DLG2: variants seen among roughly 807,000 people sequenced by gnomAD.
DLG2 encodes disks large homolog 2.
Under a neutral mutation model 132.5 loss-of-function variants are expected in DLG2, and 45 were observed. The observed-to-expected ratio is 0.34, with a 90% confidence interval of 0.27 to 0.44. The LOEUF (loss-of-function observed/expected upper bound fraction) is 0.44, where lower values mean the gene tolerates loss of function less well. Among genes scored for constraint, DLG2 ranks in the 20% least tolerant of loss-of-function variants. DLG2 has a pLI of 1.00. For missense variants in DLG2, 1,045 were observed against 1,196.9 expected, an observed-to-expected ratio of 0.87 and a Z score of 1.87; for synonymous variants, 424 against 419.6, an observed-to-expected ratio of 1.01 and a Z score of -0.13.
chr11:85,485,699 T>C (rs896290803), intron 3 of DLG2, among the ~76,000 whole-genome samples: 1 of 152,172 alleles, frequency 6.6e-6, no homozygotes, highest in East Asian at 1.9e-4. Flanking sequence ...TTTTGCATTC[T>C]TGGCTATGAG....
intron 3 of DLG2, among the ~76,000 whole-genome samples, chr11:85,489,186 C>T (rs1259485757): frequency 1.3e-5 from 2 of 151,778 alleles, no homozygotes; most frequent in African/African-American, 4.8e-5. Flanking sequence ...CCCAATCTTA[C>T]CTAGAAAGAA....
At chr11:83,530,477 C>G (rs1039659763) in intron 21 of DLG2, among the ~76,000 whole-genome samples, 2 of 151,504 alleles carry the variant, frequency 1.3e-5, no homozygotes, top group African/African-American at 4.9e-5. Context: ...ATGATATTCA[C>G]AAGCTACAAT....
At chr11:83,858,731 A>C (rs150606175) in intron 16 of DLG2, among the ~76,000 whole-genome samples, 1 of 152,316 alleles carries the variant, frequency 6.6e-6, no homozygotes, top group East Asian at 1.9e-4. Flanking sequence ...TTTCTTCTGC[A>C]AAAACCCCAT....
intron 6 of DLG2, among the ~76,000 whole-genome samples, chr11:84,869,152 C>A (rs983179552): frequency 6.6e-6 from 1 of 152,198 alleles, no homozygotes; most frequent in African/African-American, 2.4e-5. Flanking sequence ...AATCTGTCCA[C>A]AATGCACATC....
intron 7 of DLG2, among the ~76,000 whole-genome samples, chr11:84,526,607 A>G (rs2099321264): frequency 6.6e-6 from 1 of 152,148 alleles, no homozygotes; most frequent in African/African-American, 2.4e-5. Flanking sequence ...CATAACTTTT[A>G]TTAAAGTATA....
intron 6 of DLG2, among the ~76,000 whole-genome samples, chr11:84,704,022 T>C (rs1450500140): frequency 6.6e-6 from 1 of 150,790 alleles, no homozygotes; most frequent in Non-Finnish European, 1.5e-5. Context: ...CAGTACTTCT[T>C]AGCATATATC....
intron 6 of DLG2, among the ~76,000 whole-genome samples, chr11:85,048,179 T>A (rs1206808546): frequency 6.6e-6 from 1 of 152,014 alleles, no homozygotes; most frequent in African/African-American, 2.4e-5. Flanking sequence ...ACTGTCAAAC[T>A]GTCAGACTAA....
At chr11:83,480,152 G>C (rs1034355444) in intron 22 of DLG2, among the ~76,000 whole-genome samples, 2 of 152,132 alleles carry the variant, frequency 1.3e-5, no homozygotes, top group Non-Finnish European at 1.5e-5. Context: ...TTGTTTATTA[G>C]CAAGACCACT....
intron 6 of DLG2, among the ~76,000 whole-genome samples, chr11:84,670,111 T>G (rs1463895875): frequency 6.6e-6 from 1 of 152,134 alleles, no homozygotes; most frequent in Admixed American, 6.6e-5. Context: ...AAATGAAGAC[T>G]TCCTCTTGAA....
In DLG2 at chr11:84,582,007, A is replaced by G. The variant is rs191808387; in HGVS notation, c.358-47276T>C. Among the ~76,000 whole-genome samples, 513 of 152,134 alleles carry G rather than the reference A, an allele frequency of 3.4e-3. 4 individuals are homozygous for G. The highest frequency in any genetic ancestry group is 0.01 in the African/African-American group (435 of 41,540). On this transcript the variant is annotated intron_variant, in intron 6 of 27. Transcript: ENST00000376104. ...AGTGTTCATATTCACAAATAAAGAA[A>G]TTAGAGCTCTCAGTTAAAGTAACTG...
chr11:83,785,350 G>A (rs796128823), intron 18 of DLG2, among the ~76,000 whole-genome samples: 33 of 152,194 alleles, frequency 2.2e-4, no homozygotes, highest in African/African-American at 6.7e-4. Context: ...CACCGCACAC[G>A]GCCTATGATG....
intron 7 of DLG2, among the ~76,000 whole-genome samples, chr11:84,492,107 G>A (rs2099166758): frequency 6.6e-6 from 1 of 152,040 alleles, no homozygotes. Context: ...TTATACATGA[G>A]AGATATAAAT....
intron 10 of DLG2, among the ~76,000 whole-genome samples, chr11:84,062,757 G>C (rs527464935): frequency 6.6e-6 from 1 of 151,228 alleles, no homozygotes; most frequent in Non-Finnish European, 1.5e-5. Context: ...TAATGGTGGT[G>C]TTTGTAGGGG....
intron 18 of DLG2, among the ~76,000 whole-genome samples, chr11:83,666,061 A>G (rs984349698): frequency 6.6e-6 from 1 of 152,132 alleles, no homozygotes; most frequent in African/African-American, 2.4e-5. Context: ...ATTATTTTCA[A>G]GATTAGCCCC....
chr11:85,533,689 G>A (rs2075373055), intron 3 of DLG2, among the ~76,000 whole-genome samples: 1 of 151,978 alleles, frequency 6.6e-6, no homozygotes, highest in African/African-American at 2.4e-5. Context: ...AGCATCCAGT[G>A]GCAGGCACTT....
At position 84,465,972 on chromosome 11, in the gene DLG2, T is replaced by C. The variant is rs969793314; in HGVS notation, c.519+68598A>G. ...TATTATTATCTATAATTAAAATAATTTGATGTTGCCATACTACTCAGATTG... is the reference window on the plus strand; with the variant it reads ...TATTATTATCTATAATTAAAATAATCTGATGTTGCCATACTACTCAGATTG... On this transcript the variant is annotated intron_variant, in intron 7 of 27. Coordinates refer to ENST00000376104, the MANE Select transcript of DLG2 (RefSeq NM_001142699.3). 4.6e-5 allele frequency among the ~76,000 whole-genome samples: 7 copies of C among 151,270 alleles called. No homozygotes were observed. In the South Asian group the frequency reaches 8.3e-4, roughly 18 times the overall value.
intron 19 of DLG2, among the ~76,000 whole-genome samples, chr11:83,587,258 T>C (rs538558230): frequency 5.9e-5 from 9 of 151,940 alleles, no homozygotes; most frequent in Non-Finnish European, 8.8e-5. Flanking sequence ...CCATCTAACA[T>C]TGAATTTGCT....
intron 3 of DLG2, among the ~76,000 whole-genome samples, chr11:85,404,620 C>T (rs1426080421): frequency 6.6e-6 from 1 of 151,714 alleles, no homozygotes; most frequent in Non-Finnish European, 1.5e-5. Flanking sequence ...AGGACAGCAC[C>T]CATTTAAAGG....
rs2845599 is a variant in DLG2 at position 85,605,881 on chromosome 11, A to G, written c.-92-7093T>C. 1.5e-4 allele frequency among the ~76,000 whole-genome samples: 23 copies of G among 152,258 alleles called. No homozygotes were observed. In the South Asian group the frequency reaches 2.3e-3, roughly 15 times the overall value. On this transcript the variant is annotated intron_variant, in intron 2 of 27. Coordinates refer to ENST00000376104, the MANE Select transcript of DLG2 (RefSeq NM_001142699.3). ...GTAATCCCAGCTACTTGGGAGGCTG[A>G]GGCAGGAAATCACTTGAACCCGGGA...
Sources: gnomAD v4.1 joint callset for allele counts (sites outside exome capture counted in the v4.1 genomes callset) on GRCh38, gnomAD v4.1.1 for gene constraint, MANE v1.5 for transcripts, NCBI Gene and HGNC (gene_info 2026-07-23, HGNC 2026-07-21) for gene names.